Variants in FAM120A observed in about 807,000 individuals in gnomAD.
The protein encoded by FAM120A is constitutive coactivator of PPAR-gamma-like protein 1.
FAM120A carries 15 observed loss-of-function variants against 109.7 expected under a neutral mutation model. That is an observed-to-expected ratio of 0.14 (90% CI 0.09 to 0.21). FAM120A has a LOEUF of 0.21. Ranked by LOEUF, FAM120A falls within the 10% of genes least tolerant of loss-of-function variation. The pLI is 1.00. For synonymous variants in FAM120A, 493 were observed against 572.8 expected (o/e 0.86, Z 1.99); for missense variants, 899 against 1,439.3 (o/e 0.62, Z 6.07).
intron 5 of FAM120A, among the ~76,000 whole-genome samples, chr9:93,507,077 T>C (rs762756873): frequency 1.2e-4 from 18 of 152,160 alleles, no homozygotes; most frequent in Non-Finnish European, 2.5e-4. Context: ...TGCTGAGGTG[T>C]GCATTTGAAT....
At chr9:93,487,555 G>A (rs201131788) in intron 3 of FAM120A, among the ~76,000 whole-genome samples, 5 of 152,258 alleles carry the variant, frequency 3.3e-5, no homozygotes, top group Admixed American at 6.5e-5. Context: ...ATAAGTTTGC[G>A]TCCCAAAGTG....
chr9:93,492,290 G>A (rs1163898490), intron 3 of FAM120A, among the ~76,000 whole-genome samples: 1 of 151,840 alleles, frequency 6.6e-6, no homozygotes, highest in Non-Finnish European at 1.5e-5. Context: ...GTTTCTAAAG[G>A]ATTTATCCTA....
chr9:93,558,486 G>T (rs952043193), intron 14 of FAM120A, 95 bp from the exon 15 acceptor site: 5 of 1,476,062 alleles, frequency 3.4e-6, no homozygotes, highest in Non-Finnish European at 4.6e-6. Flanking sequence ...CATGGCAGCT[G>T]GAGGAGGCAG....
At chr9:93,458,906 C>G (rs1023430688) in intron 1 of FAM120A, among the ~76,000 whole-genome samples, 2 of 152,174 alleles carry the variant, frequency 1.3e-5, no homozygotes, top group Admixed American at 1.3e-4. Flanking sequence ...GACCTTCCTG[C>G]GACCTGAACT....
At chr9:93,510,538 A>T (rs1246961822) in intron 5 of FAM120A, among the ~76,000 whole-genome samples, 1 of 152,192 alleles carries the variant, frequency 6.6e-6, no homozygotes, top group Non-Finnish European at 1.5e-5. Context: ...CTTTTCCAAA[A>T]CCCACAAATG....
At chr9:93,518,808 G>A (rs1053524362) in intron 7 of FAM120A, among the ~76,000 whole-genome samples, 3 of 152,242 alleles carry the variant, frequency 2.0e-5, no homozygotes, top group African/African-American at 4.8e-5. Context: ...TGTGTTCTAC[G>A]TGCCACGGGA....
chr9:93,452,677 G>GTC lies in FAM120A; in HGVS notation c.474+289_474+290dup, dbSNP rs767388441. 1.3e-5 allele frequency: 21 copies of GTC among 1,598,688 alleles called. No individual in the cohort carries two copies. Among genetic ancestry groups the GTC allele is most frequent in the Non-Finnish European group, 1.6e-5 (19 of 1,179,922 alleles). ...CGGACCAGAATTCGGAGGCGACAGT[G>GTC]TCATCATCCCCAATATCCTTAGTTT... is the stretch of plus-strand genomic sequence containing the variant. On this transcript the variant is annotated intron_variant, in intron 1 of 17. Transcript: ENST00000277165. This position sits in a 1 kb window ranked among gnomAD's most constrained non-coding sequence, Gnocchi z 7.0.
At chr9:93,540,630 C>CA (rs1203900226) in intron 10 of FAM120A, among the ~76,000 whole-genome samples, 1 of 152,124 alleles carries the variant, frequency 6.6e-6, no homozygotes, top group African/African-American at 2.4e-5. Context: ...AGTCTGGAGA[C>CA]ACAGCACCAG....
chr9:93,558,798 A>G lies in FAM120A; in HGVS notation c.2806+80A>G, dbSNP rs1027290704. On this transcript the variant is annotated intron_variant, in intron 15 of 17. Coordinates refer to ENST00000277165, the MANE Select transcript of FAM120A (RefSeq NM_014612.5). ...CATCGTCTGGCGCCTTCCTTCCTCT[A>G]CTGTCCTCATGAGCCCCTCCTCCAG... 11 of 1,519,958 alleles carry G rather than the reference A, an allele frequency of 7.2e-6. No individual in the cohort carries two copies. The African/African-American group carries it at 9.6e-5, about 13-fold the overall frequency. 94.2% of individuals were successfully genotyped at this position (1,519,958 alleles called of 1,614,324 possible).
intron 11 of FAM120A, among the ~76,000 whole-genome samples, chr9:93,545,374 C>A (rs893028468): frequency 3.3e-5 from 5 of 152,234 alleles, no homozygotes; most frequent in African/African-American, 1.2e-4. Flanking sequence ...AGTGTCCCTC[C>A]CTGTGTTCAT....
chr9:93,544,324 C>T (rs1861807842), intron 11 of FAM120A, among the ~76,000 whole-genome samples: 1 of 152,196 alleles, frequency 6.6e-6, no homozygotes, highest in African/African-American at 2.4e-5. Flanking sequence ...CTCCAAAGAG[C>T]AGCCCTTGTT....
At chr9:93,557,113 GT>G (rs908488579) in intron 13 of FAM120A, among the ~76,000 whole-genome samples, 10 of 138,018 alleles carry the variant, frequency 7.2e-5, no homozygotes, top group African/African-American at 2.7e-4. Context: ...CATTTTATTT[GT>G]TTGTTTGTTT....
chr9:93,557,728 A>G, intron 13 of FAM120A, 99 bp from the exon 14 acceptor site: 1 of 1,198,742 alleles, frequency 8.3e-7, no homozygotes, highest in Non-Finnish European at 1.2e-6. Flanking sequence ...AAAGGGAACC[A>G]ACTGTATAGT....
chr9:93,461,776 G>A (rs1399189307), intron 1 of FAM120A, among the ~76,000 whole-genome samples: 1 of 152,084 alleles, frequency 6.6e-6, no homozygotes, highest in Non-Finnish European at 1.5e-5. Flanking sequence ...AACTTTTTGA[G>A]CACCAGCATG....
chr9:93,458,204 T>C (rs1370219615), intron 1 of FAM120A, among the ~76,000 whole-genome samples: 1 of 152,104 alleles, frequency 6.6e-6, no homozygotes, highest in Non-Finnish European at 1.5e-5. Flanking sequence ...TAATTGCACT[T>C]TAGATACTCC....
chr9:93,513,795 G>GGACA (rs1488389126), intron 5 of FAM120A, among the ~76,000 whole-genome samples: 1 of 152,212 alleles, frequency 6.6e-6, no homozygotes, highest in Non-Finnish European at 1.5e-5. Flanking sequence ...GCCGGACCAA[G>GGACA]GACAGCGTTT....
chr9:93,491,045 G>A (rs1372871884), intron 3 of FAM120A, among the ~76,000 whole-genome samples: 1 of 152,190 alleles, frequency 6.6e-6, no homozygotes, highest in East Asian at 1.9e-4. Flanking sequence ...AACACATACT[G>A]CTTGTTCTGA....
chr9:93,490,537 G>T (rs548840425), intron 3 of FAM120A, among the ~76,000 whole-genome samples: 1 of 152,244 alleles, frequency 6.6e-6, no homozygotes, highest in East Asian at 1.9e-4. Context: ...TGGCATGTTG[G>T]GTTTAACAGT....
At chr9:93,552,015 C>G (rs1862118594) in intron 12 of FAM120A, among the ~76,000 whole-genome samples, 1 of 152,228 alleles carries the variant, frequency 6.6e-6, no homozygotes, top group Non-Finnish European at 1.5e-5. Context: ...TCACCACCGT[C>G]TTCGTCACAG....
Sources: allele counts gnomAD v4.1 joint callset (sites outside exome capture counted in the v4.1 genomes callset), GRCh38; gene constraint gnomAD v4.1.1; non-coding constraint Gnocchi (gnomAD v3.1); transcripts MANE v1.5; gene names NCBI Gene and HGNC (gene_info 2026-07-23, HGNC 2026-07-21).